Variants in MYO10 observed in about 807,000 individuals in gnomAD.
MYO10 encodes myosin X.
In MYO10, 133 loss-of-function variants were observed where a neutral mutation model predicts 257.3. The ratio of observed to expected loss-of-function variants is 0.52; its 90% CI spans 0.45 to 0.60. The LOEUF is 0.60. Ranked by LOEUF, MYO10 falls within the 20% of genes least tolerant of loss-of-function variation. The probability of loss-of-function intolerance (pLI) is 0.00; values close to 1 mark genes in which losing one functional copy is unlikely to be tolerated. For missense variants in MYO10, 2,399 were observed against 2,635.7 expected (o/e 0.91, Z 1.97); for synonymous variants, 1,104 against 1,028.6 (o/e 1.07, Z -1.40).
At chr5:16,782,656 TG>T (rs1164782267) in intron 5 of MYO10, among the ~76,000 whole-genome samples, 1 of 152,198 alleles carries the variant, frequency 6.6e-6, no homozygotes, top group East Asian at 1.9e-4. Context: ...GGCACGAGGC[TG>T]TGGTTTGCCG....
chr5:16,802,228 AGAG>A (rs954438496), intron 3 of MYO10, among the ~76,000 whole-genome samples: 1 of 152,340 alleles, frequency 6.6e-6, no homozygotes, highest in East Asian at 1.9e-4. Flanking sequence ...CAGTTCTGCA[AGAG>A]GAGAAGAGTT....
chr5:16,694,957 C>G (rs1737668612), intron 26 of MYO10, among the ~76,000 whole-genome samples: 1 of 152,200 alleles, frequency 6.6e-6, no homozygotes, highest in Non-Finnish European at 1.5e-5. Context: ...AACCATGTCC[C>G]TATGTATGGA....
chr5:16,935,647 G>C (rs1394482639), intron 1 of MYO10, 141 bp downstream of exon 1: 2 of 926,286 alleles, frequency 2.2e-6, no homozygotes, highest in Non-Finnish European at 3.4e-6. Context: ...CTCCGCGGGG[G>C]GATGGGGGGT....
intron 1 of MYO10, among the ~76,000 whole-genome samples, chr5:16,933,081 G>A (rs1477113862): frequency 6.6e-6 from 1 of 152,200 alleles, no homozygotes; most frequent in Non-Finnish European, 1.5e-5. Context: ...AAACAGGGAA[G>A]CGCAGACAAG....
At chr5:16,676,257 T>C (rs539907436) in intron 33 of MYO10, 103 bp from the exon 34 acceptor site, 2 of 1,392,460 alleles carry the variant, frequency 1.4e-6, no homozygotes, top group Admixed American at 2.6e-5. Context: ...GGGGCAAAGA[T>C]GGTGGAAATC....
chr5:16,678,834 C>T (rs1321227964), intron 33 of MYO10, among the ~76,000 whole-genome samples: 1 of 152,156 alleles, frequency 6.6e-6, no homozygotes, highest in Admixed American at 6.5e-5. Flanking sequence ...TCTGTCACAG[C>T]CCCAGCTCTG....
At chr5:16,888,075 A>G (rs1744942204) in intron 1 of MYO10, among the ~76,000 whole-genome samples, 1 of 152,204 alleles carries the variant, frequency 6.6e-6, no homozygotes, top group African/African-American at 2.4e-5. Flanking sequence ...ATCAGCCAAC[A>G]TGCCTAAAAT....
chr5:16,890,210 C>G lies in MYO10; in HGVS notation c.22-12503G>C, dbSNP rs533347629. 1.3e-5 allele frequency among the ~76,000 whole-genome samples: 2 copies of G among 151,886 alleles called. 1 individual carries two copies. The highest frequency in any genetic ancestry group is 4.9e-5 in the African/African-American group (2 of 41,216). On this transcript the variant is annotated intron_variant, in intron 1 of 40. Coordinates refer to ENST00000513610, the MANE Select transcript of MYO10 (RefSeq NM_012334.3). ...GATTAAAAGGTACATAAAAGATAAC[C>G]TAGTCCAATCAAAATGACACATAAT...
intron 19 of MYO10, among the ~76,000 whole-genome samples, chr5:16,719,901 T>C (rs1579902113): frequency 6.6e-6 from 1 of 151,408 alleles, no homozygotes; most frequent in Non-Finnish European, 1.5e-5. Context: ...GAGGCGGAGG[T>C]TGTAGTGGGC....
chr5:16,757,309 C>CACACACACACACAA, intron 18 of MYO10, among the ~76,000 whole-genome samples: 1 of 78,098 alleles, frequency 1.3e-5, no homozygotes, highest in South Asian at 4.7e-4. Flanking sequence ...CAAACACACA[C>CACACACACACACAA]ACACACGCAC....
intron 3 of MYO10, chr5:16,815,208 G>A: frequency 4.4e-6 from 2 of 449,908 alleles, no homozygotes; most frequent in South Asian, 4.4e-5. Context: ...AGCAAAGTAT[G>A]AGTTTCAAAA....
intron 8 of MYO10, 74 bp downstream of exon 8, chr5:16,780,450 C>T: frequency 7.0e-6 from 9 of 1,283,504 alleles, no homozygotes; most frequent in Admixed American, 2.0e-5. Flanking sequence ...AACAGATGTT[C>T]TCTCATTTAC....
At chr5:16,768,582 C>G (rs1219242629) in intron 10 of MYO10, among the ~76,000 whole-genome samples, 3 of 151,316 alleles carry the variant, frequency 2.0e-5, no homozygotes, top group Non-Finnish European at 4.4e-5. Context: ...ATACTCTGAG[C>G]CTTTCCTAAC....
At chr5:16,732,504 GTCATCAGCT>G (rs1172731584) in intron 19 of MYO10, among the ~76,000 whole-genome samples, 5 of 152,278 alleles carry the variant, frequency 3.3e-5, no homozygotes, top group African/African-American at 1.2e-4. Flanking sequence ...TATTGAACAG[GTCATCAGCT>G]CCTTTATTCA....
intron 17 of MYO10, among the ~76,000 whole-genome samples, chr5:16,761,208 C>T (rs1403047371): frequency 6.6e-6 from 1 of 152,110 alleles, no homozygotes; most frequent in Non-Finnish European, 1.5e-5. Flanking sequence ...CCAGGCTGGT[C>T]TCAAACTCCT....
chr5:16,818,284 G>A, intron 2 of MYO10, 117 bp from the exon 3 acceptor site: 6 of 912,070 alleles, frequency 6.6e-6, no homozygotes, highest in East Asian at 2.8e-5. Flanking sequence ...ATTCTAAATT[G>A]GACAATCAAA....
In MYO10 at chr5:16,671,059, A is replaced by G. The variant is rs1736435885; in HGVS notation, c.5431-81T>C. On this transcript the variant is annotated intron_variant, in intron 38 of 40. Coordinates refer to ENST00000513610, the MANE Select transcript of MYO10 (RefSeq NM_012334.3). ...CCCACGTCGCTTGCTCCCTCACTTC[A>G]TGAGGGTTTCTCTCAAACTCACCTT... is the stretch of plus-strand genomic sequence containing the variant. 7 of 1,259,946 alleles carry G rather than the reference A, an allele frequency of 5.6e-6. No homozygotes were observed. In the South Asian group the frequency reaches 8.9e-5, roughly 16 times the overall value. The allele number at this position is 1,259,946 out of a possible 1,614,324, so 78.0% of individuals were successfully genotyped here.
chr5:16,824,606 C>T (rs182666645), intron 2 of MYO10, among the ~76,000 whole-genome samples: 2 of 152,274 alleles, frequency 1.3e-5, no homozygotes, highest in African/African-American at 4.8e-5. Context: ...CGGTGGCTCA[C>T]GCTTGTAATC....
chr5:16,844,410 T>C (rs1045260803), intron 2 of MYO10, among the ~76,000 whole-genome samples: 1 of 150,382 alleles, frequency 6.6e-6, no homozygotes, highest in Admixed American at 6.6e-5. Context: ...GCTCTTCTCT[T>C]TTCATTTTTT....
Sources: gnomAD v4.1 joint callset for allele counts (sites outside exome capture counted in the v4.1 genomes callset) on GRCh38, gnomAD v4.1.1 for gene constraint, MANE v1.5 for transcripts, NCBI Gene and HGNC (gene_info 2026-07-23, HGNC 2026-07-21) for gene names.